SDC2: variants seen among roughly 807,000 people sequenced by gnomAD.
SDC2 encodes the protein syndecan-2.
Under a neutral mutation model 22.2 loss-of-function variants are expected in SDC2, and 13 were observed. That is an observed-to-expected ratio of 0.59 (90% CI 0.38 to 0.93). SDC2 has a LOEUF of 0.93. Among genes scored for constraint, SDC2 ranks in the 40% least tolerant of loss-of-function variants. The pLI, the probability that SDC2 is intolerant of heterozygous loss-of-function variation, is 0.00. For missense variants in SDC2, 235 were observed against 246.8 expected (o/e 0.95, Z 0.32); for synonymous variants, 94 against 92.8 (o/e 1.01, Z -0.07).
chr8:96,524,256 AT>A (rs757320678), intron 1 of SDC2, among the ~76,000 whole-genome samples: 11 of 152,194 alleles, frequency 7.2e-5, no homozygotes, highest in Non-Finnish European at 1.2e-4. Flanking sequence ...TTTATTGGAC[AT>A]TCTTTTCATG....
chr8:96,609,352 C>G, intron 4 of SDC2, 33 bp from the exon 5 acceptor site: 1 of 1,582,270 alleles, frequency 6.3e-7, no homozygotes, highest in Non-Finnish European at 8.6e-7. Context: ...CCTTGAATCT[C>G]TTCTAAAGTA....
intron 1 of SDC2, among the ~76,000 whole-genome samples, chr8:96,556,045 CACACACACACAT>C (rs1370427292): frequency 7.0e-6 from 1 of 141,934 alleles, no homozygotes; most frequent in African/African-American, 2.9e-5. Flanking sequence ...CACACACACA[CACACACACACAT>C]ACACACACAC....
At chr8:96,543,745 G>A (rs1813888434) in intron 1 of SDC2, among the ~76,000 whole-genome samples, 1 of 152,086 alleles carries the variant, frequency 6.6e-6, no homozygotes, top group African/African-American at 2.4e-5. Context: ...CCTTGCTCTG[G>A]GGAAGCCATC....
intron 1 of SDC2, among the ~76,000 whole-genome samples, chr8:96,519,855 TGACC>T (rs1316360653): frequency 6.6e-4 from 101 of 152,246 alleles, no homozygotes; most frequent in Middle Eastern, 6.8e-3. Flanking sequence ...CTTGAACTCC[TGACC>T]TCAAGTGATC....
intron 1 of SDC2, among the ~76,000 whole-genome samples, chr8:96,590,189 G>A (rs1201614542): frequency 6.6e-6 from 1 of 152,212 alleles, no homozygotes; most frequent in East Asian, 1.9e-4. Flanking sequence ...AGGTCTGAAA[G>A]ACCAGCTTTG....
intron 1 of SDC2, among the ~76,000 whole-genome samples, chr8:96,553,478 A>G (rs1814059283): frequency 2.0e-5 from 3 of 151,378 alleles, no homozygotes; most frequent in East Asian, 1.9e-4. Context: ...TTAAGTCCAC[A>G]ACTAAGTTTG....
intron 1 of SDC2, among the ~76,000 whole-genome samples, chr8:96,524,913 G>T (rs140769185): frequency 6.6e-6 from 1 of 152,282 alleles, no homozygotes; most frequent in Admixed American, 6.5e-5. Context: ...TGTGGGGTTT[G>T]AGGGTTTATC....
chr8:96,597,934 A>T (rs1047037709), intron 2 of SDC2, among the ~76,000 whole-genome samples: 14 of 152,244 alleles, frequency 9.2e-5, no homozygotes, highest in Admixed American at 3.3e-4. Context: ...AATGTATTTT[A>T]AAAAGTATTA....
chr8:96,542,580 C>G (rs944170309), intron 1 of SDC2, among the ~76,000 whole-genome samples: 1 of 152,044 alleles, frequency 6.6e-6, no homozygotes, highest in African/African-American at 2.4e-5. Context: ...TCAGGTGTTG[C>G]CCCAGTACAC....
intron 1 of SDC2, among the ~76,000 whole-genome samples, chr8:96,590,858 C>T (rs1814768985): frequency 6.6e-6 from 1 of 152,124 alleles, no homozygotes; most frequent in Admixed American, 6.5e-5. Context: ...CCTTTAAACA[C>T]ATTAAACATC....
At chr8:96,551,657 T>C (rs1814029672) in intron 1 of SDC2, among the ~76,000 whole-genome samples, 1 of 152,164 alleles carries the variant, frequency 6.6e-6, no homozygotes, top group South Asian at 2.1e-4. Context: ...GTGGTTAATT[T>C]TGGAGCTGAT....
At chr8:96,517,756 C>T (rs79724139) in intron 1 of SDC2, among the ~76,000 whole-genome samples, 5 of 151,168 alleles carry the variant, frequency 3.3e-5, no homozygotes, top group South Asian at 2.1e-4. Context: ...TAAATACACA[C>T]GTTTGTGTGT....
chr8:96,579,424 G>A (rs578140414), intron 1 of SDC2, among the ~76,000 whole-genome samples: 24 of 152,310 alleles, frequency 1.6e-4, no homozygotes, highest in Admixed American at 2.6e-4. Flanking sequence ...GAGGCCTAGC[G>A]TGAAAAGGCA....
intron 2 of SDC2, among the ~76,000 whole-genome samples, chr8:96,596,886 C>G (rs73275615): frequency 0.014 from 2,114 of 152,216 alleles, 49 homozygotes; most frequent in African/African-American, 0.049. Flanking sequence ...GTGGGGAGAG[C>G]CAAAAAGCAA....
chr8:96,577,577 CATT>C (rs1382625956), intron 1 of SDC2, among the ~76,000 whole-genome samples: 17 of 151,970 alleles, frequency 1.1e-4, no homozygotes, highest in Admixed American at 1.1e-3. Flanking sequence ...AACATTGATA[CATT>C]ATTACTAGCT....
rs1813003431 is a variant in SDC2 at position 96,493,983 on chromosome 8, A to G, written c.-289A>G. 4 of 490,418 alleles carry G rather than the reference A, an allele frequency of 8.2e-6. No homozygotes were observed. The highest frequency in any genetic ancestry group is 7.6e-5 in the East Asian group (2 of 26,334). 30.4% of individuals were successfully genotyped at this position (490,418 alleles called of 1,614,324 possible). On this transcript the variant is annotated 5_prime_UTR_variant, in exon 1 of 5. Transcript: ENST00000302190. The stretch of plus-strand genomic sequence containing the variant: ...AGCAAAACCACAGCAGAGCAAGAAG[A>G]GCTTCAGAGAGCAGCCTTCCCGGAG...
chr8:96,556,410 T>A (rs1814113933), intron 1 of SDC2, among the ~76,000 whole-genome samples: 1 of 148,638 alleles, frequency 6.7e-6, no homozygotes, highest in Non-Finnish European at 1.5e-5. Flanking sequence ...TACCACTTCC[T>A]GGTACCAAAA....
intron 1 of SDC2, among the ~76,000 whole-genome samples, chr8:96,590,889 C>T (rs1005862090): frequency 2.6e-5 from 4 of 152,124 alleles, no homozygotes; most frequent in African/African-American, 7.2e-5. Flanking sequence ...AGAGACCACC[C>T]GGGAGCCCTG....
chr8:96,499,421 T>G (rs1813125989), intron 1 of SDC2, among the ~76,000 whole-genome samples: 1 of 152,216 alleles, frequency 6.6e-6, no homozygotes, highest in Non-Finnish European at 1.5e-5. Flanking sequence ...ATCAGACTAA[T>G]TTGGGAATCG....
Sources: gnomAD v4.1 joint callset for allele counts (sites outside exome capture counted in the v4.1 genomes callset) on GRCh38, gnomAD v4.1.1 for gene constraint, MANE v1.5 for transcripts, NCBI Gene and HGNC (gene_info 2026-07-23, HGNC 2026-07-21) for gene names.